The following ITPA variants were observed in gnomAD, a reference collection of about 807,000 sequenced individuals.
ITPA encodes the protein inosine triphosphate pyrophosphatase.
ITPA carries 29 observed loss-of-function variants against 29.6 expected under a neutral mutation model. The observed-to-expected ratio is 0.98, with a 90% CI of 0.73 to 1.34. The LOEUF is 1.34. Among genes scored for constraint, ITPA ranks in the 40% most tolerant of loss-of-function variants. The probability of loss-of-function intolerance (pLI) is 0.00; values close to 1 mark genes in which losing one functional copy is unlikely to be tolerated. For missense variants in ITPA, 241 were observed against 251.5 expected (o/e 0.96, Z 0.28); for synonymous variants, 103 against 99.3 (o/e 1.04, Z -0.22).
At chr20:3,219,450 A>G (rs2067403460) in intron 6 of ITPA, among the ~76,000 whole-genome samples, 1 of 151,960 alleles carries the variant, frequency 6.6e-6, no homozygotes, top group Non-Finnish European at 1.5e-5. Flanking sequence ...CTTTGCAAAA[A>G]ATTTTAAAAT....
rs563512788 is a variant in ITPA at position 3,210,594 on chromosome 20, T to A, written c.66+977T>A. On this transcript the variant is annotated intron_variant, in intron 1 of 7. Coordinates refer to ENST00000380113, the MANE Select transcript of ITPA (RefSeq NM_033453.4). ...TAGGGAGGGACTGATGTCACTTTGGTGCCAGGACTGAGTGGCCTTCTCAGG... is the reference window on the plus strand; with the variant it reads ...TAGGGAGGGACTGATGTCACTTTGGAGCCAGGACTGAGTGGCCTTCTCAGG... Among the ~76,000 whole-genome samples, 44 of 152,250 alleles carry A rather than the reference T, an allele frequency of 2.9e-4. No homozygotes were observed. In the Middle Eastern group the frequency reaches 0.01, roughly 35 times the overall value.
chr20:3,212,792 G>A (rs180674309), intron 1 of ITPA, among the ~76,000 whole-genome samples: 10 of 152,254 alleles, frequency 6.6e-5, no homozygotes, highest in Admixed American at 6.5e-4. Context: ...TTTCAATTAA[G>A]GGTTACTAAG....
upstream of ITPA, among the ~76,000 whole-genome samples, chr20:3,204,924 C>T (rs2067060428): frequency 6.6e-6 from 1 of 151,700 alleles, no homozygotes; most frequent in Admixed American, 6.6e-5. Flanking sequence ...GATCTCGGCT[C>T]ACTGCAACCT....
chr20:3,222,401 G>A (rs1424747231), intron 7 of ITPA, among the ~76,000 whole-genome samples: 2 of 152,046 alleles, frequency 1.3e-5, no homozygotes, highest in Non-Finnish European at 2.9e-5. Context: ...TGTTAGAGAC[G>A]GGGTTTCACC....
rs1036671809 is a variant in ITPA, at chr20:3,223,744, G to T, written c.*282G>T. Reference sequence around the variant, plus strand: ...CTTGGGTGGTAAAGCTGTACTTGGTGGGAGTGAGGGCGTGGGGAGGAACCA... The same window carrying T: ...CTTGGGTGGTAAAGCTGTACTTGGTTGGAGTGAGGGCGTGGGGAGGAACCA... On this transcript the variant is annotated 3_prime_UTR_variant, in exon 8 of 8. Coordinates refer to ENST00000380113, the MANE Select transcript of ITPA (RefSeq NM_033453.4). 7 of 525,372 alleles carry T rather than the reference G, an allele frequency of 1.3e-5. No individual in the cohort carries two copies. The East Asian group carries it at 2.4e-4, about 18-fold the overall frequency. The allele number at this position is 525,372 out of a possible 1,614,324, so 32.5% of individuals were successfully genotyped here. A position where few individuals can be genotyped will look rare whatever the true frequency, so the allele number is the denominator to read the frequency against.
intron 5 of ITPA, among the ~76,000 whole-genome samples, chr20:3,215,894 C>G (rs1414260949): frequency 1.3e-5 from 2 of 152,006 alleles, no homozygotes; most frequent in Non-Finnish European, 2.9e-5. Context: ...CCATGTTGGC[C>G]AGGCCAGTCT....
chr20:3,222,499 G>A (rs558486240), intron 7 of ITPA, among the ~76,000 whole-genome samples: 29 of 152,286 alleles, frequency 1.9e-4, no homozygotes, highest in Admixed American at 6.5e-5. Flanking sequence ...GTGAGCCACC[G>A]CGCCTGGCCA....
At chr20:3,226,578 T>C (rs544997033), downstream of ITPA, among the ~76,000 whole-genome samples, 32 of 152,326 alleles carry the variant, frequency 2.1e-4, no homozygotes, top group Non-Finnish European at 4.1e-4. The surrounding 1 kb of genome is among the most constrained non-coding windows in gnomAD (Gnocchi z 4.4). Context: ...CCTGTTACGG[T>C]TGGGCCTCCT....
At chr20:3,218,712 G>A (rs1376735833) in intron 6 of ITPA, 80 bp downstream of exon 6, 3 of 1,131,226 alleles carry the variant, frequency 2.7e-6, no homozygotes, top group African/African-American at 1.5e-5. Flanking sequence ...CCGAGTCTGC[G>A]GGAGGGTGGT....
At chr20:3,218,814 T>G (rs1600524621) in intron 6 of ITPA, 182 bp downstream of exon 6, 1 of 658,672 alleles carries the variant, frequency 1.5e-6, no homozygotes, top group South Asian at 1.6e-5. Flanking sequence ...CCTAGGAGGG[T>G]GGTGGAAAGG....
intron 1 of ITPA, among the ~76,000 whole-genome samples, chr20:3,211,356 G>A (rs1462349628): frequency 1.3e-5 from 2 of 151,666 alleles, no homozygotes; most frequent in Non-Finnish European, 2.9e-5. Context: ...AGTAGAAACG[G>A]GATTTCGTCA....
In ITPA at chr20:3,209,638, G is replaced by C; in HGVS notation, c.66+21G>C. 6.2e-7 allele frequency: 1 copy of C among 1,610,818 alleles called. No individual in the cohort carries two copies. The highest frequency in any genetic ancestry group is 1.1e-5 in the South Asian group (1 of 91,004). The stretch of plus-strand genomic sequence containing the variant: ...AGGAGGTGCCGGGAGGGTGTTGGGG[G>C]CTAACTGGGAGGCGGCTGGGAATAG... On this transcript the variant is annotated intron_variant, in intron 1 of 7. Transcript: ENST00000380113. This position sits in a 1 kb window ranked among gnomAD's most constrained non-coding sequence, Gnocchi z 4.6.
chr20:3,212,237 T>C (rs947218473), intron 1 of ITPA, among the ~76,000 whole-genome samples: 1 of 152,088 alleles, frequency 6.6e-6, no homozygotes, highest in African/African-American at 2.4e-5. Context: ...ATTATCAAAA[T>C]GTTACAAATA....
At chr20:3,220,205 G>A (rs1166036807) in intron 6 of ITPA, among the ~76,000 whole-genome samples, 2 of 150,842 alleles carry the variant, frequency 1.3e-5, no homozygotes, top group Non-Finnish European at 2.9e-5. Flanking sequence ...CTACAGGCGT[G>A]CACCACCACA....
chr20:3,208,178 T>C (rs1196530520), upstream of ITPA, among the ~76,000 whole-genome samples: 1 of 150,124 alleles, frequency 6.7e-6, no homozygotes, highest in Non-Finnish European at 1.5e-5. Flanking sequence ...GGGCTTGAGC[T>C]GGCTAAGATC....
downstream of ITPA, among the ~76,000 whole-genome samples, chr20:3,226,340 T>C (rs993329166): frequency 1.3e-5 from 2 of 152,212 alleles, no homozygotes; most frequent in African/African-American, 4.8e-5. The surrounding 1 kb of genome is among the most constrained non-coding windows in gnomAD (Gnocchi z 4.4). Flanking sequence ...GGGTTGACTG[T>C]TGTGCACAGT....
upstream of ITPA, among the ~76,000 whole-genome samples, chr20:3,206,809 C>T (rs560483208): frequency 3.4e-5 from 5 of 145,952 alleles, no homozygotes; most frequent in African/African-American, 1.0e-4. Context: ...CCAGCCTGGG[C>T]GACAGAGTGA....
chr20:3,224,738 A>G (rs970057438), downstream of ITPA, among the ~76,000 whole-genome samples: 1 of 152,186 alleles, frequency 6.6e-6, no homozygotes, highest in Non-Finnish European at 1.5e-5. Flanking sequence ...CACCCAGGCT[A>G]CTGATGGGGG....
At chr20:3,217,141 A>T (rs1417283197) in intron 5 of ITPA, among the ~76,000 whole-genome samples, 1 of 152,222 alleles carries the variant, frequency 6.6e-6, no homozygotes, top group Non-Finnish European at 1.5e-5. Context: ...TCGGCCTTCC[A>T]AAATGCTGAG....
Sources: allele counts gnomAD v4.1 joint callset (sites outside exome capture counted in the v4.1 genomes callset), GRCh38; gene constraint gnomAD v4.1.1; non-coding constraint Gnocchi (gnomAD v3.1); transcripts MANE v1.5; gene names NCBI Gene and HGNC (gene_info 2026-07-23, HGNC 2026-07-21).